The following ARHGEF33 variants were observed in gnomAD, a reference collection of about 807,000 sequenced individuals.
ARHGEF33 encodes the protein Rho guanine nucleotide exchange factor 33.
A neutral mutation model predicts 101.9 loss-of-function variants in ARHGEF33; 72 were observed. The ratio of observed to expected loss-of-function variants is 0.71; its 90% confidence interval spans 0.58 to 0.86. ARHGEF33 has a LOEUF of 0.86. Among genes scored for constraint, ARHGEF33 ranks in the 40% least tolerant of loss-of-function variants. The probability of loss-of-function intolerance (pLI) is 0.00; values close to 1 mark genes in which losing one functional copy is unlikely to be tolerated. For missense variants in ARHGEF33, 1,169 were observed against 1,111.3 expected, an observed-to-expected ratio of 1.05 and a Z score of -0.74; for synonymous variants, 499 against 442.5, an observed-to-expected ratio of 1.13 and a Z score of -1.60.
intron 2 of ARHGEF33, among the ~76,000 whole-genome samples, chr2:38,907,293 T>G (rs1310931974): frequency 6.6e-6 from 1 of 152,224 alleles, no homozygotes; most frequent in Non-Finnish European, 1.5e-5. Flanking sequence ...AAGGCTTTGC[T>G]CACTGGGAGT....
chr2:38,926,786 A>G (rs1666882337), intron 4 of ARHGEF33, among the ~76,000 whole-genome samples: 1 of 151,908 alleles, frequency 6.6e-6, no homozygotes, highest in Non-Finnish European at 1.5e-5. Context: ...AATGAAACCT[A>G]TTTCTGTTGG....
In ARHGEF33 at chr2:38,951,245, T is replaced by TA. The variant is rs529950060; in HGVS notation, c.1053+126dup. The stretch of plus-strand genomic sequence containing the variant: ...CAGCTAGAACCACTGAGATCTAGTC[T>TA]AACTTTCTCATTCTACATACAGATC... On this transcript the variant is annotated intron_variant, in intron 11 of 17. Coordinates refer to ENST00000409978, the MANE Select transcript of ARHGEF33 (RefSeq NM_001145451.5). 144 of 908,836 alleles carry TA rather than the reference T, an allele frequency of 1.6e-4. No individual in the cohort carries two copies. In the African/African-American group the frequency reaches 2.2e-3, roughly 14 times the overall value. 56.3% of individuals were successfully genotyped at this position (908,836 alleles called of 1,614,324 possible).
chr2:38,929,787 C>A lies in ARHGEF33; in HGVS notation c.319C>A (p.Leu107Ile), dbSNP rs1666952966. The A allele has an allele frequency of 1.3e-6, 2 of 1,551,666 alleles. No individual in the cohort carries two copies. The highest frequency in any genetic ancestry group is 2.4e-5 in the East Asian group (1 of 40,924). ...QEEMQQKIEQ[L>I]QQEKRRESRK... ...AGAAATGCAACAGAAAATCGAGCAG[C>A]TTCAACAGGAGAAGCGAAGAGAATC... The change falls in exon 6 of 18, where the codon CTT becomes ATT. Residue 107 changes from leucine (L) to isoleucine (I), a missense_variant. Coordinates refer to ENST00000409978, the MANE Select transcript of ARHGEF33 (RefSeq NM_001145451.5).
chr2:38,933,325 G>A (rs1218631447), intron 7 of ARHGEF33, among the ~76,000 whole-genome samples: 1 of 152,074 alleles, frequency 6.6e-6, no homozygotes, highest in African/African-American at 2.4e-5. Flanking sequence ...GCTTCTCCCA[G>A]GGCAAGTTAT....
Position 38,895,786 on chromosome 2 carries a change from A to G in ARHGEF33, c.-149A>G, listed in dbSNP as rs1410961248. 2.0e-5 allele frequency: 3 copies of G among 151,502 alleles called. No individual in the cohort carries two copies. The highest frequency in any genetic ancestry group is 4.4e-5 in the Non-Finnish European group (3 of 67,944). 9.4% of individuals were successfully genotyped at this position (151,502 alleles called of 1,614,324 possible). ...TTTTTTTTTTTTACAGAACTTCTAG[A>G]GAAAACAAGAAGAAGACTTCAAAAA... is the stretch of plus-strand genomic sequence containing the variant. On this transcript the variant is annotated 5_prime_UTR_variant, in exon 2 of 18. Coordinates refer to ENST00000409978, the MANE Select transcript of ARHGEF33 (RefSeq NM_001145451.5).
At chr2:38,929,665 T>C (rs115016228) in intron 5 of ARHGEF33, 44 bp from the exon 6 acceptor site, 53,640 of 1,517,028 alleles carry the variant, frequency 0.035, 1,217 homozygotes, top group Non-Finnish European at 0.043. Flanking sequence ...TATATACTTT[T>C]ACCCCATGTA....
chr2:38,922,784 A>G (rs949108213), intron 4 of ARHGEF33, among the ~76,000 whole-genome samples: 1 of 152,140 alleles, frequency 6.6e-6, no homozygotes, highest in African/African-American at 2.4e-5. Flanking sequence ...TTCTGTGGGG[A>G]AGGGATGAAT....
rs113371469 is a variant in ARHGEF33, at chr2:38,901,031, C to T, written c.-86+5182C>T. On this transcript the variant is annotated intron_variant, in intron 2 of 17. Coordinates refer to ENST00000409978, the MANE Select transcript of ARHGEF33 (RefSeq NM_001145451.5). ...CTCAGCCTTCTTTGAAGGCTGAAGG[C>T]TTTTTAGTGACCATGTGTTGCTACT... Among the ~76,000 whole-genome samples, 990 of 152,200 alleles carry T rather than the reference C, an allele frequency of 6.5e-3. 14 individuals are homozygous for T. Among genetic ancestry groups the T allele is most frequent in the African/African-American group, 0.022 (899 of 41,536 alleles).
chr2:38,931,381 C>T, intron 7 of ARHGEF33, 130 bp downstream of exon 7: 1 of 802,844 alleles, frequency 1.2e-6, no homozygotes, highest in Non-Finnish European at 1.9e-6. Context: ...CTGCTTGTAA[C>T]TGGAATTCAG....
intron 4 of ARHGEF33, among the ~76,000 whole-genome samples, chr2:38,923,828 G>A (rs986111292): frequency 6.6e-6 from 1 of 152,006 alleles, no homozygotes; most frequent in East Asian, 1.9e-4. Context: ...TGGATTAAAG[G>A]TTTACATATA....
chr2:38,913,711 G>A (rs1018240593), intron 2 of ARHGEF33, among the ~76,000 whole-genome samples: 3 of 151,930 alleles, frequency 2.0e-5, no homozygotes, highest in Non-Finnish European at 4.4e-5. Context: ...AGGAGGTGGA[G>A]GTTGCAGTGA....
intron 13 of ARHGEF33, among the ~76,000 whole-genome samples, chr2:38,955,645 A>G (rs371745): frequency 0.94 from 142,957 of 151,572 alleles, 67,520 homozygotes; most frequent in African/African-American, 0.97. Context: ...GACTACAGGC[A>G]CTTGCCACCA....
At chr2:38,906,263 A>G (rs990749336) in intron 2 of ARHGEF33, among the ~76,000 whole-genome samples, 4 of 151,952 alleles carry the variant, frequency 2.6e-5, no homozygotes, top group African/African-American at 4.8e-5. Context: ...AAGGAGAAGT[A>G]TGTAATTCAG....
Position 38,937,313 on chromosome 2 carries a change from GCCCCT to G in ARHGEF33, c.566-17_566-13del. On this transcript the variant is annotated splice_polypyrimidine_tract_variant and intron_variant, in intron 8 of 17. Transcript: ENST00000409978. ...TGATAGCAGTTTTCTTTGTTTCCCCGCCCCTCCCCCCACCCCACCAGGAGTGAACC... is the reference window on the plus strand; with the variant it reads ...TGATAGCAGTTTTCTTTGTTTCCCCGCCCCCCACCCCACCAGGAGTGAACC... The G allele has an allele frequency of 7.0e-6, 4 of 568,616 alleles. No homozygotes were observed. Among genetic ancestry groups the G allele is most frequent in the Non-Finnish European group, 6.2e-6 (2 of 324,702 alleles). The allele number at this position is 568,616 out of a possible 1,614,324, so 35.2% of individuals were successfully genotyped here. A position where few individuals can be genotyped will look rare whatever the true frequency, so the allele number is the denominator to read the frequency against.
chr2:38,935,851 T>C lies in ARHGEF33; in HGVS notation c.565+17T>C. 6.5e-7 allele frequency: 1 copy of C among 1,538,540 alleles called. No homozygotes were observed. The stretch of plus-strand genomic sequence containing the variant: ...TGGGTCCTGGTAAGTGACTCTTCTC[T>C]TAGTTTTCTTTTCTTCCAGCAATTC... On this transcript the variant is annotated intron_variant, in intron 8 of 17. Transcript: ENST00000409978.
At chr2:38,890,750 G>A (rs1401221114) in intron 1 of ARHGEF33, among the ~76,000 whole-genome samples, 1 of 151,982 alleles carries the variant, frequency 6.6e-6, no homozygotes, top group African/African-American at 2.4e-5. Context: ...TGCTGTAAAT[G>A]GAATAGCTAT....
intron 2 of ARHGEF33, among the ~76,000 whole-genome samples, chr2:38,915,027 C>T (rs566121264): frequency 1.3e-5 from 2 of 151,236 alleles, no homozygotes; most frequent in South Asian, 4.2e-4. Context: ...TTTATTTTTT[C>T]CATTACAGAG....
At position 38,960,322 on chromosome 2, in the gene ARHGEF33, C is replaced by T; in HGVS notation, c.2017C>T (p.Leu673=). The change falls in exon 16 of 18, where the codon CTG becomes TTG. Residue 673 remains leucine, a synonymous_variant. Coordinates refer to ENST00000409978, the MANE Select transcript of ARHGEF33 (RefSeq NM_001145451.5). ...AMEAERPEHP[L]QPLPKSATSP... ...GGAGGCCGAGCGGCCGGAGCACCCG[C>T]TGCAGCCGCTGCCCAAGAGCGCTAC... 1.3e-6 allele frequency: 2 copies of T among 1,541,702 alleles called. No individual in the cohort carries two copies. The highest frequency in any genetic ancestry group is 2.0e-5 in the Admixed American group (1 of 50,914).
intron 14 of ARHGEF33, among the ~76,000 whole-genome samples, chr2:38,957,630 T>G (rs1667801799): frequency 6.6e-6 from 1 of 152,200 alleles, no homozygotes; most frequent in Admixed American, 6.5e-5. Context: ...AGGGAGGATC[T>G]GAGCTTCGGA....
Sources: allele counts gnomAD v4.1 joint callset (sites outside exome capture counted in the v4.1 genomes callset), GRCh38; gene constraint gnomAD v4.1.1; transcripts MANE v1.5; gene names NCBI Gene and HGNC (gene_info 2026-07-23, HGNC 2026-07-21).